PTPN14: variants seen among roughly 807,000 people sequenced by gnomAD.
PTPN14 encodes the protein protein tyrosine phosphatase non-receptor type 14, also known as tyrosine-protein phosphatase non-receptor type 14.
In PTPN14, 53 loss-of-function variants were observed where a neutral mutation model predicts 126.8. The ratio of observed to expected loss-of-function variants is 0.42; its 90% CI spans 0.34 to 0.53. PTPN14 has a LOEUF of 0.53. PTPN14 is among the 20% of genes least tolerant of loss of function. PTPN14 has a pLI of 0.08. For missense variants in PTPN14, 1,257 were observed against 1,552.9 expected (o/e 0.81, Z 3.20); for synonymous variants, 630 against 599.3 (o/e 1.05, Z -0.75).
At chr1:214,400,274 C>T (rs1658985448) in intron 7 of PTPN14, among the ~76,000 whole-genome samples, 1 of 152,154 alleles carries the variant, frequency 6.6e-6, no homozygotes. Context: ...ACTGTTGCTC[C>T]CACCCTCATC....
intron 5 of PTPN14, among the ~76,000 whole-genome samples, chr1:214,406,069 AGG>A (rs1659163357): frequency 6.6e-6 from 1 of 152,214 alleles, no homozygotes; most frequent in Non-Finnish European, 1.5e-5. Flanking sequence ...AACTCGGATA[AGG>A]CTTCTGCCAC....
intron 13 of PTPN14, among the ~76,000 whole-genome samples, chr1:214,378,514 A>G (rs1303852042): frequency 3.3e-5 from 5 of 152,246 alleles, no homozygotes; most frequent in Non-Finnish European, 7.3e-5. Context: ...TTCTGCACAG[A>G]CGGAACGGAG....
At chr1:214,508,178 T>C (rs1255420331) in intron 1 of PTPN14, among the ~76,000 whole-genome samples, 1 of 152,202 alleles carries the variant, frequency 6.6e-6, no homozygotes, top group Non-Finnish European at 1.5e-5. Flanking sequence ...GTTTGCCACA[T>C]CAGTTGACTC....
At chr1:214,541,310 C>T (rs532183922) in intron 1 of PTPN14, among the ~76,000 whole-genome samples, 1 of 152,280 alleles carries the variant, frequency 6.6e-6, no homozygotes, top group African/African-American at 2.4e-5. Flanking sequence ...AACAAGGTTT[C>T]AACCCTGAGA....
At position 214,428,593 on chromosome 1, in the gene PTPN14, T is replaced by C. The variant is rs140174839; in HGVS notation, c.345-13867A>G. Among the ~76,000 whole-genome samples, 172 of 152,348 alleles carry C rather than the reference T, an allele frequency of 1.1e-3. 1 individual carries two copies. Among genetic ancestry groups the C allele is most frequent in the African/African-American group, 4.0e-3 (165 of 41,572 alleles). On this transcript the variant is annotated intron_variant, in intron 3 of 18. Coordinates refer to ENST00000366956, the MANE Select transcript of PTPN14 (RefSeq NM_005401.5). ...CCTATTTTTGTAAAAGAACTATCTT[T>C]ATAGAACGAAGTCCACACATATTTC...
intron 2 of PTPN14, among the ~76,000 whole-genome samples, chr1:214,461,257 C>A (rs191475573): frequency 2.7e-3 from 418 of 152,222 alleles, no homozygotes; most frequent in Admixed American, 4.7e-3. Flanking sequence ...AAAGCTATTA[C>A]AAAATTTATG....
At chr1:214,480,803 AT>A (rs1038800529) in intron 1 of PTPN14, among the ~76,000 whole-genome samples, 63 of 152,334 alleles carry the variant, frequency 4.1e-4, no homozygotes, top group African/African-American at 1.5e-3. Context: ...AAAAACCATT[AT>A]TCCCACAGCA....
At chr1:214,427,276 C>CAA (rs5741915) in intron 3 of PTPN14, among the ~76,000 whole-genome samples, 4,792 of 64,982 alleles carry the variant, frequency 0.074, 272 homozygotes, top group Admixed American at 0.086. Context: ...GTCTCCATCT[C>CAA]AAAAAAAAAA....
At chr1:214,532,337 C>A in intron 1 of PTPN14, 1 of 545,258 alleles carries the variant, frequency 1.8e-6, no homozygotes, top group South Asian at 1.8e-5. Flanking sequence ...CCTGCTACAC[C>A]AGCTTCTGGG....
chr1:214,498,180 T>C (rs1431862025), intron 1 of PTPN14, among the ~76,000 whole-genome samples: 5 of 152,228 alleles, frequency 3.3e-5, no homozygotes, highest in Non-Finnish European at 2.9e-5. Context: ...ATTGTTTCTG[T>C]CCCTAGAGCT....
chr1:214,397,231 G>C (rs1276031978), intron 8 of PTPN14, among the ~76,000 whole-genome samples: 1 of 152,144 alleles, frequency 6.6e-6, no homozygotes, highest in African/African-American at 2.4e-5. Context: ...GTGTGCCCTG[G>C]ATACACAGAT....
At position 214,355,146 on chromosome 1, in the gene PTPN14, T is replaced by C. The variant is rs1419287874; in HGVS notation, c.*2776A>G. ...TTTCTTTTGGGTTTCAATATAAACT[T>C]TGGCTAGAAAGTTGAATATTAAACC... On this transcript the variant is annotated 3_prime_UTR_variant, in exon 19 of 19. Coordinates refer to ENST00000366956, the MANE Select transcript of PTPN14 (RefSeq NM_005401.5). 6.6e-6 allele frequency: 1 copy of C among 152,244 alleles called. No individual in the cohort carries two copies. Among genetic ancestry groups the C allele is most frequent in the Non-Finnish European group, 1.5e-5 (1 of 68,038 alleles). 9.4% of individuals were successfully genotyped at this position (152,244 alleles called of 1,614,324 possible). A position where few individuals can be genotyped will look rare whatever the true frequency, so the allele number is the denominator to read the frequency against.
At chr1:214,473,633 A>G (rs1660808325) in intron 1 of PTPN14, among the ~76,000 whole-genome samples, 1 of 152,208 alleles carries the variant, frequency 6.6e-6, no homozygotes, top group African/African-American at 2.4e-5. Flanking sequence ...AAACTGATGC[A>G]ACTAGTCTGT....
At chr1:214,399,616 G>A (rs994675516) in intron 7 of PTPN14, among the ~76,000 whole-genome samples, 1 of 152,178 alleles carries the variant, frequency 6.6e-6, no homozygotes, top group East Asian at 1.9e-4. Context: ...CTCTCGATGT[G>A]TCTCTTTGCA....
chr1:214,426,894 CT>C (rs907315962), intron 3 of PTPN14, among the ~76,000 whole-genome samples: 22 of 152,258 alleles, frequency 1.4e-4, no homozygotes, highest in African/African-American at 5.3e-4. Context: ...AAGGAGAGCA[CT>C]CTCCAGAAGA....
At chr1:214,487,769 C>T (rs1412324135) in intron 1 of PTPN14, among the ~76,000 whole-genome samples, 1 of 152,128 alleles carries the variant, frequency 6.6e-6, no homozygotes, top group Non-Finnish European at 1.5e-5. Flanking sequence ...TAAGCAGTGA[C>T]CTAAAAGATG....
chr1:214,378,144 A>C, intron 13 of PTPN14, 42 bp from the exon 14 acceptor site: 2 of 1,565,468 alleles, frequency 1.3e-6, no homozygotes, highest in Non-Finnish European at 1.7e-6. Flanking sequence ...TTATAATACT[A>C]GTAGAATGTT....
chr1:214,526,851 G>A (rs963936332), intron 1 of PTPN14, among the ~76,000 whole-genome samples: 21 of 152,188 alleles, frequency 1.4e-4, no homozygotes, highest in Admixed American at 8.5e-4. Flanking sequence ...CAGCACTTTC[G>A]GAGGCCAACG....
chr1:214,517,704 A>G (rs1190358677), intron 1 of PTPN14, among the ~76,000 whole-genome samples: 1 of 152,116 alleles, frequency 6.6e-6, no homozygotes, highest in Non-Finnish European at 1.5e-5. Context: ...CTTTATATCC[A>G]TGATCTGAGG....
Sources: allele counts gnomAD v4.1 joint callset (sites outside exome capture counted in the v4.1 genomes callset), GRCh38; gene constraint gnomAD v4.1.1; transcripts MANE v1.5; gene names NCBI Gene and HGNC (gene_info 2026-07-23, HGNC 2026-07-21).